The following GALNT17 variants were observed in gnomAD, a reference collection of about 807,000 sequenced individuals.
GALNT17 encodes the protein polypeptide N-acetylgalactosaminyltransferase 17, also known as UDP-GalNAc:polypeptide N-acetylgalactosaminyltransferase-like 3.
In GALNT17, 29 loss-of-function variants were observed where a neutral mutation model predicts 63.7. That is an observed-to-expected ratio of 0.46 (90% CI 0.34 to 0.62). The LOEUF (loss-of-function observed/expected upper bound fraction) is 0.62. GALNT17 is among the 20% of genes least tolerant of loss of function. The probability of loss-of-function intolerance (pLI) is 0.01; values close to 1 mark genes in which losing one functional copy is unlikely to be tolerated. For missense variants in GALNT17, 603 were observed against 799.6 expected (o/e 0.75, Z 2.97); for synonymous variants, 305 against 318.3 (o/e 0.96, Z 0.45).
chr7:71,677,766 C>T (rs529624226), intron 9 of GALNT17, among the ~76,000 whole-genome samples: 5 of 152,090 alleles, frequency 3.3e-5, no homozygotes, highest in Admixed American at 6.6e-5. Flanking sequence ...CCGCCCGCCT[C>T]GGCCTCCCAA....
intron 6 of GALNT17, among the ~76,000 whole-genome samples, chr7:71,647,740 A>G (rs1175693489): frequency 6.6e-6 from 1 of 152,154 alleles, no homozygotes; most frequent in Non-Finnish European, 1.5e-5. Flanking sequence ...ACATTCTCCA[A>G]GCCTCTGTGA....
chr7:71,677,129 C>A (rs1584129987), intron 8 of GALNT17, 82 bp from the exon 9 acceptor site: 2 of 1,457,552 alleles, frequency 1.4e-6, no homozygotes, highest in Non-Finnish European at 1.9e-6. Context: ...AAGTTGGAAC[C>A]AAGCCATGGT....
chr7:71,702,221 C>G (rs1034381255), intron 9 of GALNT17, among the ~76,000 whole-genome samples: 3 of 151,854 alleles, frequency 2.0e-5, no homozygotes, highest in African/African-American at 7.3e-5. Flanking sequence ...AAGCCCAAAC[C>G]TCAGCATTAT....
At chr7:71,686,909 C>T (rs1004053844) in intron 9 of GALNT17, among the ~76,000 whole-genome samples, 20 of 152,080 alleles carry the variant, frequency 1.3e-4, no homozygotes, top group South Asian at 4.1e-4. Context: ...CTGGAGATTT[C>T]GACGGGCACT....
intron 1 of GALNT17, among the ~76,000 whole-genome samples, chr7:71,331,022 A>T (rs1791798836): frequency 6.6e-6 from 1 of 151,908 alleles, no homozygotes; most frequent in Non-Finnish European, 1.5e-5. Flanking sequence ...CTCCATTCTC[A>T]TGTGCTTCAA....
intron 5 of GALNT17, among the ~76,000 whole-genome samples, chr7:71,488,289 G>A (rs1787946903): frequency 6.6e-6 from 1 of 152,116 alleles, no homozygotes; most frequent in South Asian, 2.1e-4. Flanking sequence ...TGTCTGGGCA[G>A]GCAAGCTAAT....
At chr7:71,653,843 T>C (rs1790788267) in intron 6 of GALNT17, among the ~76,000 whole-genome samples, 1 of 152,154 alleles carries the variant, frequency 6.6e-6, no homozygotes, top group African/African-American at 2.4e-5. Context: ...TGCTCCCTCA[T>C]GGACATGACC....
intron 5 of GALNT17, among the ~76,000 whole-genome samples, chr7:71,485,537 C>G (rs1372950860): frequency 6.6e-6 from 1 of 152,232 alleles, no homozygotes; most frequent in Non-Finnish European, 1.5e-5. Context: ...ATGGCAGGTC[C>G]TTGACCTGTG....
At chr7:71,614,226 G>A (rs1326873835) in intron 6 of GALNT17, among the ~76,000 whole-genome samples, 1 of 151,872 alleles carries the variant, frequency 6.6e-6, no homozygotes, top group Admixed American at 6.6e-5. Flanking sequence ...GAGCAGGTTG[G>A]GTATCTCTAA....
At chr7:71,140,671 A>G (rs2079406) in intron 1 of GALNT17, among the ~76,000 whole-genome samples, 84,281 of 152,072 alleles carry the variant, frequency 0.55, 23,848 homozygotes, top group East Asian at 0.86. Flanking sequence ...GAGCACACCC[A>G]AGCCCAAGGC....
At chr7:71,246,556 C>T (rs1253898322) in intron 1 of GALNT17, among the ~76,000 whole-genome samples, 2 of 145,898 alleles carry the variant, frequency 1.4e-5, no homozygotes, top group Non-Finnish European at 3.0e-5. Context: ...TGAGGCCAGG[C>T]GTGGTGGCTC....
At chr7:71,333,751 A>G (rs1284740163) in intron 1 of GALNT17, among the ~76,000 whole-genome samples, 3 of 152,138 alleles carry the variant, frequency 2.0e-5, no homozygotes, top group African/African-American at 4.8e-5. Context: ...TCAGCCTCCC[A>G]AAGTGCTGGG....
At chr7:71,503,867 G>A (rs1039535967) in intron 5 of GALNT17, among the ~76,000 whole-genome samples, 1 of 151,938 alleles carries the variant, frequency 6.6e-6, no homozygotes, top group African/African-American at 2.4e-5. Flanking sequence ...AGGCTGAGGC[G>A]GGCAGATCAC....
intron 1 of GALNT17, among the ~76,000 whole-genome samples, chr7:71,150,121 C>T (rs1788102832): frequency 6.6e-6 from 1 of 152,138 alleles, no homozygotes; most frequent in African/African-American, 2.4e-5. Flanking sequence ...CTTCTCATTC[C>T]TGTTCACCAT....
rs1583884046 is a variant in GALNT17 at position 71,354,708 on chromosome 7, A to G, written c.422+18975A>G. 2.0e-5 allele frequency among the ~76,000 whole-genome samples: 3 copies of G among 152,322 alleles called. No individual in the cohort carries two copies. In the South Asian group the frequency reaches 6.2e-4, roughly 32 times the overall value. On this transcript the variant is annotated intron_variant, in intron 2 of 10. Transcript: ENST00000333538. Reference sequence around the variant, plus strand: ...TCTGCTTTCCTTAAGAAGTTTAATTATTAATACATTACAAAAGGAATTAGG... The same window carrying G: ...TCTGCTTTCCTTAAGAAGTTTAATTGTTAATACATTACAAAAGGAATTAGG...
At chr7:71,580,882 A>G (rs571420773) in intron 6 of GALNT17, among the ~76,000 whole-genome samples, 3 of 152,320 alleles carry the variant, frequency 2.0e-5, no homozygotes, top group Admixed American at 2.0e-4. Context: ...AGGAGGGAGC[A>G]CTAAGCCTGA....
At chr7:71,188,702 T>TA (rs1183629916) in intron 1 of GALNT17, among the ~76,000 whole-genome samples, 3 of 152,210 alleles carry the variant, frequency 2.0e-5, no homozygotes, top group Non-Finnish European at 2.9e-5. Flanking sequence ...TGCTGACTGT[T>TA]ACTTTTGCTG....
chr7:71,243,529 A>G lies in GALNT17; in HGVS notation c.239-92021A>G, dbSNP rs142220282. Among the ~76,000 whole-genome samples the G allele has an allele frequency of 2.6e-3, 391 of 152,170 alleles. 1 individual carries two copies. The highest frequency in any genetic ancestry group is 8.6e-3 in the African/African-American group (356 of 41,510). On this transcript the variant is annotated intron_variant, in intron 1 of 10. Coordinates refer to ENST00000333538, the MANE Select transcript of GALNT17 (RefSeq NM_022479.3). ...TCTTTTCCACAAGCAGAAATATGCAATCCTTCAACTTCCTTTGCTATTGTT... is the reference window on the plus strand; with the variant it reads ...TCTTTTCCACAAGCAGAAATATGCAGTCCTTCAACTTCCTTTGCTATTGTT...
At chr7:71,151,575 C>G (rs566401127) in intron 1 of GALNT17, among the ~76,000 whole-genome samples, 2 of 150,138 alleles carry the variant, frequency 1.3e-5, no homozygotes, top group Non-Finnish European at 3.0e-5. Flanking sequence ...GAGCCGAGAT[C>G]GCGCCACTCA....
Sources: allele counts gnomAD v4.1 joint callset (sites outside exome capture counted in the v4.1 genomes callset), GRCh38; gene constraint gnomAD v4.1.1; transcripts MANE v1.5; gene names NCBI Gene and HGNC (gene_info 2026-07-23, HGNC 2026-07-21).